The following CHRM3 variants were observed in gnomAD, a reference collection of about 807,000 sequenced individuals.
The protein encoded by CHRM3 is cholinergic receptor muscarinic 3.
Under a neutral mutation model 41.8 loss-of-function variants are expected in CHRM3, and 11 were observed. The observed-to-expected ratio is 0.26, with a 90% CI of 0.17 to 0.44. CHRM3 has a LOEUF of 0.44. Ranked by LOEUF, CHRM3 falls within the 20% of genes least tolerant of loss-of-function variation. The pLI is 1.00. For missense variants in CHRM3, 571 were observed against 745.4 expected, an observed-to-expected ratio of 0.77 and a Z score of 2.72; for synonymous variants, 297 against 301.4, an observed-to-expected ratio of 0.99 and a Z score of 0.15.
intron 6 of CHRM3, among the ~76,000 whole-genome samples, chr1:239,866,870 T>A (rs1293115201): frequency 3.3e-5 from 5 of 152,192 alleles, no homozygotes; most frequent in African/African-American, 1.2e-4. Flanking sequence ...TGCATACTCA[T>A]GCCATTAGAT....
rs190976593 is a variant in CHRM3, at chr1:239,645,010, C to T, written c.-250+12724C>T. 2.0e-3 allele frequency among the ~76,000 whole-genome samples: 309 copies of T among 152,316 alleles called. 2 individuals carry two copies. Among genetic ancestry groups the T allele is most frequent in the African/African-American group, 7.1e-3 (295 of 41,568 alleles). ...CATGCTCCCTGGTGTTCAACCTGTA[C>T]TGCTACTTCCTCCATCAGCTCACAG... is the stretch of plus-strand genomic sequence containing the variant. On this transcript the variant is annotated intron_variant, in intron 4 of 6. Transcript: ENST00000676153.
intron 5 of CHRM3, among the ~76,000 whole-genome samples, chr1:239,729,323 T>G (rs947357493): frequency 6.6e-6 from 1 of 151,864 alleles, no homozygotes; most frequent in Non-Finnish European, 1.5e-5. Context: ...TGAAGCATAA[T>G]GGTTGTGATG....
intron 6 of CHRM3, among the ~76,000 whole-genome samples, chr1:239,859,476 A>G (rs1675424786): frequency 7.0e-6 from 1 of 142,158 alleles, no homozygotes; most frequent in Admixed American, 7.3e-5. Context: ...CCCAGGCTGG[A>G]GTGCAGTGGC....
intron 3 of CHRM3, among the ~76,000 whole-genome samples, chr1:239,554,452 A>ATG (rs766457306): frequency 2.8e-3 from 426 of 150,754 alleles, no homozygotes; most frequent in Middle Eastern, 0.021. Context: ...AAGGCATAGA[A>ATG]TGTGTGTGTG....
chr1:239,611,523 G>A (rs1667043504), intron 3 of CHRM3, among the ~76,000 whole-genome samples: 1 of 148,154 alleles, frequency 6.7e-6, no homozygotes, highest in African/African-American at 2.5e-5. Context: ...CTGGTTCAAG[G>A]GATTCTCCCG....
chr1:239,631,710 T>C (rs1669854358), intron 3 of CHRM3, among the ~76,000 whole-genome samples: 1 of 152,220 alleles, frequency 6.6e-6, no homozygotes, highest in Non-Finnish European at 1.5e-5. Flanking sequence ...TAGGGGATTT[T>C]CATGAAGATT....
chr1:239,485,131 C>T (rs1431050475), intron 1 of CHRM3, among the ~76,000 whole-genome samples: 1 of 151,986 alleles, frequency 6.6e-6, no homozygotes, highest in East Asian at 1.9e-4. Flanking sequence ...AATGTAAATT[C>T]CAGCTCAATG....
At chr1:239,761,470 G>A (rs958642038) in intron 5 of CHRM3, among the ~76,000 whole-genome samples, 46 of 152,130 alleles carry the variant, frequency 3.0e-4, no homozygotes, top group African/African-American at 1.0e-3. Context: ...TTGAGTTGCT[G>A]GGGACATCAC....
chr1:239,447,472 A>C (rs1012145234), intron 1 of CHRM3, among the ~76,000 whole-genome samples: 1 of 152,218 alleles, frequency 6.6e-6, no homozygotes, highest in Non-Finnish European at 1.5e-5. Flanking sequence ...CTTCAAAAGC[A>C]CTTGGGTACC....
chr1:239,728,818 G>T (rs1371235865), intron 5 of CHRM3, among the ~76,000 whole-genome samples: 1 of 151,834 alleles, frequency 6.6e-6, no homozygotes, highest in Admixed American at 6.6e-5. Flanking sequence ...ATCATCACAA[G>T]CACTTTTATT....
intron 5 of CHRM3, among the ~76,000 whole-genome samples, chr1:239,794,814 TTC>T (rs1001937540): frequency 5.3e-5 from 8 of 152,312 alleles, no homozygotes; most frequent in African/African-American, 1.7e-4. Flanking sequence ...CATTTCTCTG[TTC>T]TGTTACTTAT....
chr1:239,576,050 G>A (rs142142443), intron 3 of CHRM3, among the ~76,000 whole-genome samples: 444 of 152,108 alleles, frequency 2.9e-3, no homozygotes, highest in South Asian at 0.012. Flanking sequence ...ACTACTCTAG[G>A]TAATGGAGTC....
At chr1:239,665,620 A>C (rs1176098383) in intron 4 of CHRM3, among the ~76,000 whole-genome samples, 1 of 152,080 alleles carries the variant, frequency 6.6e-6, no homozygotes, top group African/African-American at 2.4e-5. Flanking sequence ...TGCTGCACCC[A>C]TCAACCCATC....
chr1:239,495,563 T>G (rs1796835), intron 2 of CHRM3, among the ~76,000 whole-genome samples: 2 of 151,902 alleles, frequency 1.3e-5, no homozygotes, highest in Non-Finnish European at 2.9e-5. Flanking sequence ...GAATGGAGAT[T>G]GGGTGTGGCT....
chr1:239,657,430 A>G (rs1025346756), intron 4 of CHRM3, among the ~76,000 whole-genome samples: 2 of 152,200 alleles, frequency 1.3e-5, no homozygotes, highest in East Asian at 1.9e-4. Flanking sequence ...GAGAGAGGCC[A>G]AAGAACAACT....
intron 5 of CHRM3, among the ~76,000 whole-genome samples, chr1:239,816,872 A>G (rs1209516185): frequency 6.6e-6 from 1 of 151,868 alleles, no homozygotes; most frequent in Admixed American, 6.6e-5. Context: ...CTGGGATTAC[A>G]TGTGCCCACC....
chr1:239,529,240 A>G (rs1205869773), intron 2 of CHRM3, among the ~76,000 whole-genome samples: 1 of 152,248 alleles, frequency 6.6e-6, no homozygotes, highest in Non-Finnish European at 1.5e-5. Flanking sequence ...CTTTGAAGTG[A>G]TCATCTGAAA....
At chr1:239,728,420 G>A (rs1460594056) in intron 5 of CHRM3, among the ~76,000 whole-genome samples, 4 of 151,940 alleles carry the variant, frequency 2.6e-5, no homozygotes, top group African/African-American at 7.2e-5. Flanking sequence ...GAGAGGAATC[G>A]TCTAGAAGAC....
chr1:239,824,336 T>G (rs1290148904), intron 5 of CHRM3, among the ~76,000 whole-genome samples: 1 of 152,168 alleles, frequency 6.6e-6, no homozygotes, highest in Non-Finnish European at 1.5e-5. Context: ...GTGCCTTCAA[T>G]CGAGGTGTTT....
Sources: allele counts gnomAD v4.1 joint callset (sites outside exome capture counted in the v4.1 genomes callset), GRCh38; gene constraint gnomAD v4.1.1; transcripts MANE v1.5; gene names NCBI Gene and HGNC (gene_info 2026-07-23, HGNC 2026-07-21).